The following GRAMD2B variants were observed in gnomAD, a reference collection of about 807,000 sequenced individuals.
The protein encoded by GRAMD2B is GRAM domain-containing protein 2B.
A neutral mutation model predicts 59.2 loss-of-function variants in GRAMD2B; 41 were observed. The ratio of observed to expected loss-of-function variants is 0.69; its 90% confidence interval spans 0.54 to 0.90. The LOEUF is 0.90. Among genes scored for constraint, GRAMD2B ranks in the 40% least tolerant of loss-of-function variants. The pLI, the probability that GRAMD2B is intolerant of heterozygous loss-of-function variation, is 0.00. For synonymous variants in GRAMD2B, 161 were observed against 182.7 expected (o/e 0.88, Z 0.96); for missense variants, 424 against 500.5 (o/e 0.85, Z 1.46).
chr5:126,416,857 GC>G (rs1759307236), intron 1 of GRAMD2B, among the ~76,000 whole-genome samples: 1 of 152,050 alleles, frequency 6.6e-6, no homozygotes. Flanking sequence ...CCTAAAATAG[GC>G]CTCCCTCAAG....
At chr5:126,467,052 G>T (rs1373520088) in intron 2 of GRAMD2B, among the ~76,000 whole-genome samples, 1 of 152,194 alleles carries the variant, frequency 6.6e-6, no homozygotes, top group Non-Finnish European at 1.5e-5. Flanking sequence ...CACTTTGAGA[G>T]ACTGAGGTGG....
upstream of GRAMD2B, among the ~76,000 whole-genome samples, chr5:126,366,698 A>G (rs1189675594): frequency 6.6e-6 from 1 of 152,102 alleles, no homozygotes; most frequent in African/African-American, 2.4e-5. Context: ...CCCCTAAACT[A>G]ACACTCTAAA....
upstream of GRAMD2B, among the ~76,000 whole-genome samples, chr5:126,419,529 A>G (rs1008513199): frequency 3.3e-5 from 5 of 152,116 alleles, no homozygotes; most frequent in African/African-American, 9.7e-5. Flanking sequence ...GAGCCAAACC[A>G]TATCACCTTG....
At chr5:126,425,479 C>T (rs1011367901) in intron 1 of GRAMD2B, among the ~76,000 whole-genome samples, 6 of 152,168 alleles carry the variant, frequency 3.9e-5, no homozygotes, top group African/African-American at 1.4e-4. Context: ...AAAGTTGACT[C>T]AGGCCAGGCA....
chr5:126,480,394 C>T, intron 6 of GRAMD2B, 62 bp from the exon 7 acceptor site: 1 of 1,218,078 alleles, frequency 8.2e-7, no homozygotes, highest in Non-Finnish European at 1.2e-6. Context: ...CTTTTCTGAA[C>T]TCTCAACTCT....
rs186881509 is a variant in GRAMD2B, at chr5:126,449,889, A to C, written c.84-15537A>C. Reference sequence around the variant, plus strand: ...TGTCCTCATATGTGTGTGGCTCTGCACTGTAAGATCAGAACACAGGAGACT... The same window carrying C: ...TGTCCTCATATGTGTGTGGCTCTGCCCTGTAAGATCAGAACACAGGAGACT... On this transcript the variant is annotated intron_variant, in intron 1 of 13. Transcript: ENST00000285689. Among the ~76,000 whole-genome samples the C allele has an allele frequency of 2.6e-5, 4 of 152,242 alleles. No individual in the cohort carries two copies. In the East Asian group the frequency reaches 7.7e-4, roughly 29 times the overall value.
Position 126,481,206 on chromosome 5 carries a change from AGAAAGAAAGAAAG to A in GRAMD2B, c.735+500_735+512del, listed in dbSNP as rs1346370825. ...GAATTAACTGTAAAAAAAAAAAAAA[AGAAAGAAAGAAAG>A]AAAGAAAGAAAGAAAGAAAGAAAGA... On this transcript the variant is annotated intron_variant, in intron 8 of 13. Coordinates refer to ENST00000285689, the MANE Select transcript of GRAMD2B (RefSeq NM_023927.4). Among the ~76,000 whole-genome samples the A allele has an allele frequency of 1.0e-3, 73 of 70,110 alleles. 3 individuals carry two copies. The highest frequency in any genetic ancestry group is 7.7e-3 in the South Asian group (13 of 1,678). 46.0% of individuals were successfully genotyped at this position (70,110 alleles called of 152,430 possible).
At chr5:126,411,589 C>CT (rs997040382) in intron 1 of GRAMD2B, among the ~76,000 whole-genome samples, 1 of 151,976 alleles carries the variant, frequency 6.6e-6, no homozygotes, top group African/African-American at 2.4e-5. Context: ...TATTTAGCCT[C>CT]TTTTTTGGTT....
At chr5:126,488,979 C>T (rs942255530) in intron 13 of GRAMD2B, 87 bp downstream of exon 13, 50 of 826,826 alleles carry the variant, frequency 6.0e-5, no homozygotes, top group South Asian at 3.1e-4. Flanking sequence ...CACACTCAGA[C>T]GCCGTTAGTG....
chr5:126,461,224 G>A (rs753135149), intron 1 of GRAMD2B, among the ~76,000 whole-genome samples: 10 of 152,084 alleles, frequency 6.6e-5, no homozygotes, highest in Non-Finnish European at 1.3e-4. Context: ...CAGCAGGAGC[G>A]GCAAAGGGCC....
intron 1 of GRAMD2B, among the ~76,000 whole-genome samples, chr5:126,455,819 A>C (rs193213744): frequency 1.2e-3 from 186 of 152,342 alleles, no homozygotes; most frequent in South Asian, 3.7e-3. Flanking sequence ...CAAGGGTGTC[A>C]TGCTTATTTC....
chr5:126,418,644 T>A (rs1232663143), upstream of GRAMD2B, among the ~76,000 whole-genome samples: 1 of 152,250 alleles, frequency 6.6e-6, no homozygotes, highest in African/African-American at 2.4e-5. Context: ...GATTCCATAA[T>A]CTACTACAGA....
intron 1 of GRAMD2B, among the ~76,000 whole-genome samples, chr5:126,456,199 C>G (rs1766248251): frequency 6.6e-6 from 1 of 151,984 alleles, no homozygotes; most frequent in African/African-American, 2.4e-5. Context: ...CCTATCTGCC[C>G]CCTCAGTAGC....
upstream of GRAMD2B, among the ~76,000 whole-genome samples, chr5:126,370,087 C>G (rs778274540): frequency 1.3e-5 from 2 of 152,128 alleles, no homozygotes; most frequent in African/African-American, 4.8e-5. Flanking sequence ...AGCATGAGGG[C>G]GCTCAGCAGT....
chr5:126,422,837 A>G (rs1001167021), upstream of GRAMD2B, among the ~76,000 whole-genome samples: 12 of 152,100 alleles, frequency 7.9e-5, no homozygotes, highest in African/African-American at 2.7e-4. Flanking sequence ...ATCAAACACC[A>G]ATTTTGATTT....
chr5:126,455,220 G>T (rs183525044), intron 1 of GRAMD2B, among the ~76,000 whole-genome samples: 3 of 152,208 alleles, frequency 2.0e-5, no homozygotes, highest in Admixed American at 2.0e-4. Context: ...GTACAAATAG[G>T]AATATAGTCC....
intron 13 of GRAMD2B, among the ~76,000 whole-genome samples, chr5:126,489,706 T>G (rs1773581485): frequency 6.6e-6 from 1 of 152,186 alleles, no homozygotes. Context: ...GCCAGAAATA[T>G]CCCAGAAATA....
At position 126,477,930 on chromosome 5, in the gene GRAMD2B, A is replaced by G. The variant is rs1383093695; in HGVS notation, c.582+143A>G. On this transcript the variant is annotated intron_variant, in intron 6 of 13. Transcript: ENST00000285689. ...TGAATCAGGAAAATTCCATAAGACT[A>G]ATTTTAAAAATTATAGCCTGTAGAC... The G allele has an allele frequency of 4.9e-6, 3 of 614,992 alleles. No homozygotes were observed. The Admixed American group carries it at 8.4e-5, about 17-fold the overall frequency. 38.1% of individuals were successfully genotyped at this position (614,992 alleles called of 1,614,324 possible). A position where few individuals can be genotyped will look rare whatever the true frequency, so the allele number is the denominator to read the frequency against.
At chr5:126,423,095 A>G (rs1001690620), upstream of GRAMD2B, 1 of 914,832 alleles carries the variant, frequency 1.1e-6, no homozygotes, top group African/African-American at 1.8e-5. Flanking sequence ...GCCAGCCCAC[A>G]CAGCGCATTT....
Sources: gnomAD v4.1 joint callset for allele counts (sites outside exome capture counted in the v4.1 genomes callset) on GRCh38, gnomAD v4.1.1 for gene constraint, MANE v1.5 for transcripts, NCBI Gene and HGNC (gene_info 2026-07-23, HGNC 2026-07-21) for gene names.